GALNTL6: variants seen among roughly 807,000 people sequenced by gnomAD.
The protein encoded by GALNTL6 is polypeptide N-acetylgalactosaminyltransferase-like 6.
Under a neutral mutation model 73.7 loss-of-function variants are expected in GALNTL6, and 46 were observed. The observed-to-expected ratio is 0.62, with a 90% CI of 0.49 to 0.80. The LOEUF (loss-of-function observed/expected upper bound fraction) is 0.80. Among genes scored for constraint, GALNTL6 ranks in the 30% least tolerant of loss-of-function variants. The pLI is 0.00. For missense variants in GALNTL6, 604 were observed against 755.0 expected, an observed-to-expected ratio of 0.80 and a Z score of 2.34; for synonymous variants, 259 against 263.7, an observed-to-expected ratio of 0.98 and a Z score of 0.17.
At chr4:172,430,993 A>G (rs949022020) in intron 5 of GALNTL6, among the ~76,000 whole-genome samples, 1 of 152,236 alleles carries the variant, frequency 6.6e-6, no homozygotes, top group East Asian at 1.9e-4. Flanking sequence ...GCATACAGGC[A>G]TCATCAGAAT....
intron 5 of GALNTL6, among the ~76,000 whole-genome samples, chr4:172,783,631 A>G (rs1434791454): frequency 1.3e-5 from 2 of 151,818 alleles, no homozygotes; most frequent in Non-Finnish European, 2.9e-5. Context: ...TCTGGAAGCC[A>G]GAAGTTAATG....
At chr4:172,349,830 A>AATAT (rs1554016264) in intron 5 of GALNTL6, among the ~76,000 whole-genome samples, 4 of 99,494 alleles carry the variant, frequency 4.0e-5, no homozygotes, top group Admixed American at 1.1e-4. Flanking sequence ...ATTAAAAAAA[A>AATAT]ATATATATAT....
intron 5 of GALNTL6, among the ~76,000 whole-genome samples, chr4:172,572,370 G>T (rs539673135): frequency 6.6e-6 from 1 of 152,260 alleles, no homozygotes; most frequent in East Asian, 1.9e-4. Context: ...TGAGAAAAGA[G>T]CTATTACTAA....
intron 4 of GALNTL6, among the ~76,000 whole-genome samples, chr4:172,331,194 CTCA>C (rs1422127560): frequency 2.7e-5 from 4 of 150,732 alleles, no homozygotes; most frequent in Non-Finnish European, 5.9e-5. Context: ...TTATTTTACT[CTCA>C]TCAGAACACT....
At chr4:172,080,006 T>TTA (rs1171215187) in intron 2 of GALNTL6, among the ~76,000 whole-genome samples, 1 of 152,154 alleles carries the variant, frequency 6.6e-6, no homozygotes, top group Non-Finnish European at 1.5e-5. Context: ...GATTATAGAC[T>TTA]TATATTTTAT....
chr4:172,579,530 G>A (rs757971989), intron 5 of GALNTL6, among the ~76,000 whole-genome samples: 1 of 152,160 alleles, frequency 6.6e-6, no homozygotes, highest in Non-Finnish European at 1.5e-5. Flanking sequence ...AGACTAGAGA[G>A]CAATGTTCCT....
intron 3 of GALNTL6, among the ~76,000 whole-genome samples, chr4:172,269,535 G>A (rs909304283): frequency 2.6e-5 from 4 of 152,172 alleles, no homozygotes; most frequent in African/African-American, 9.7e-5. Context: ...CTGGGAAAGA[G>A]ACACAGGAGA....
chr4:172,426,337 CATA>C (rs1321537176), intron 5 of GALNTL6, among the ~76,000 whole-genome samples: 1 of 50,582 alleles, frequency 2.0e-5, no homozygotes, highest in East Asian at 4.6e-4. Context: ...ATCTGTAGTC[CATA>C]GCAGAGTTTT....
intron 5 of GALNTL6, among the ~76,000 whole-genome samples, chr4:172,355,613 CA>C (rs1309629573): frequency 6.6e-6 from 1 of 151,988 alleles, no homozygotes; most frequent in Non-Finnish European, 1.5e-5. Context: ...ATGAAATAAG[CA>C]AAACATACTA....
intron 2 of GALNTL6, among the ~76,000 whole-genome samples, chr4:172,156,571 A>G (rs1218245967): frequency 1.4e-5 from 1 of 70,964 alleles, no homozygotes; most frequent in African/African-American, 6.3e-5. Flanking sequence ...ATATATACAT[A>G]CTATATATAT....
At chr4:172,256,532 A>G (rs1190338849) in intron 3 of GALNTL6, among the ~76,000 whole-genome samples, 3 of 151,388 alleles carry the variant, frequency 2.0e-5, no homozygotes, top group Non-Finnish European at 3.0e-5. Context: ...CTGACCTTGC[A>G]ATTTCTCTGA....
chr4:172,677,689 G>T (rs766661671), intron 5 of GALNTL6, among the ~76,000 whole-genome samples: 1 of 151,998 alleles, frequency 6.6e-6, no homozygotes, highest in East Asian at 1.9e-4. Flanking sequence ...TTGGGAGGCC[G>T]AGGCAGGAGC....
chr4:172,577,336 T>C (rs1329768560), intron 5 of GALNTL6, among the ~76,000 whole-genome samples: 1 of 152,172 alleles, frequency 6.6e-6, no homozygotes, highest in Non-Finnish European at 1.5e-5. Context: ...ATCCAAATTA[T>C]ATGAAATTAC....
intron 11 of GALNTL6, among the ~76,000 whole-genome samples, chr4:173,020,168 G>A (rs1324343123): frequency 6.6e-6 from 1 of 152,184 alleles, no homozygotes; most frequent in African/African-American, 2.4e-5. Context: ...TTCTCCTACT[G>A]TACCTTTCAA....
At chr4:172,032,006 C>T (rs950247171) in intron 2 of GALNTL6, among the ~76,000 whole-genome samples, 2 of 152,054 alleles carry the variant, frequency 1.3e-5, no homozygotes, top group African/African-American at 4.8e-5. Flanking sequence ...TTTAAGTCAG[C>T]ATTACTTCTT....
Position 172,948,545 on chromosome 4 carries a change from C to T in GALNTL6, c.1150-3492C>T, listed in dbSNP as rs188561049. Reference sequence around the variant, plus strand: ...TCGGCTCACTGCAACCTCCACCTCTCGGGTTCAAGTGATTCTCCTGCCTCA... The same window carrying T: ...TCGGCTCACTGCAACCTCCACCTCTTGGGTTCAAGTGATTCTCCTGCCTCA... On this transcript the variant is annotated intron_variant, in intron 9 of 12. Transcript: ENST00000506823. Among the ~76,000 whole-genome samples, 7 of 150,544 alleles carry T rather than the reference C, an allele frequency of 4.6e-5. No homozygotes were observed. In the South Asian group the frequency reaches 6.3e-4, roughly 14 times the overall value.
At chr4:172,561,819 A>G (rs1736383220) in intron 5 of GALNTL6, among the ~76,000 whole-genome samples, 2 of 152,154 alleles carry the variant, frequency 1.3e-5, no homozygotes, top group African/African-American at 2.4e-5. Context: ...GCTCCTCCAG[A>G]GATTCATTGT....
intron 5 of GALNTL6, among the ~76,000 whole-genome samples, chr4:172,724,316 C>G (rs958252680): frequency 1.3e-5 from 2 of 152,146 alleles, no homozygotes; most frequent in African/African-American, 4.8e-5. Context: ...TTATTCAAAC[C>G]TAAGCAACAC....
At chr4:171,849,300 T>C (rs1200188238) in intron 2 of GALNTL6, among the ~76,000 whole-genome samples, 1 of 152,172 alleles carries the variant, frequency 6.6e-6, no homozygotes, top group African/African-American at 2.4e-5. Context: ...GAAACTCAGG[T>C]TGTTGCAGCA....
Sources: allele counts gnomAD v4.1 joint callset (sites outside exome capture counted in the v4.1 genomes callset), GRCh38; gene constraint gnomAD v4.1.1; transcripts MANE v1.5; gene names NCBI Gene and HGNC (gene_info 2026-07-23, HGNC 2026-07-21).